The following PZP variants were observed in gnomAD, a reference collection of about 807,000 sequenced individuals.
The protein encoded by PZP is PZP alpha-2-macroglobulin like.
In PZP, 150 loss-of-function variants were observed where a neutral mutation model predicts 179.8. The observed-to-expected ratio is 0.83, with a 90% confidence interval of 0.73 to 0.96. PZP has a LOEUF of 0.96. Among genes scored for constraint, PZP ranks in the 40% least tolerant of loss-of-function variants. The pLI is 0.00. For missense variants in PZP, 1,689 were observed against 1,764.0 expected, an observed-to-expected ratio of 0.96 and a Z score of 0.76; for synonymous variants, 624 against 652.3, an observed-to-expected ratio of 0.96 and a Z score of 0.66.
At chr12:9,180,023 C>T (rs1565647105) in intron 15 of PZP, among the ~76,000 whole-genome samples, 1 of 152,270 alleles carries the variant, frequency 6.6e-6, no homozygotes, top group East Asian at 1.9e-4. Context: ...GAATGTTGGG[C>T]AGATTAAGTG....
At position 9,153,190 on chromosome 12, in the gene PZP, A is replaced by C. The variant is rs1940493279; in HGVS notation, c.3928T>G (p.Ser1310Ala). 6.2e-7 allele frequency: 1 copy of C among 1,614,214 alleles called. No homozygotes were observed. The highest frequency in any genetic ancestry group is 8.5e-7 in the Non-Finnish European group (1 of 1,180,020). Residue 1310 changes from serine to alanine, a missense_variant, in exon 30 of 36, where the codon TCA (serine) becomes GCA (alanine). Physicochemically the swap from Ser to Ala is moderately conservative, Grantham distance 99 (BLOSUM62 1). Coordinates refer to ENST00000261336, the MANE Select transcript of PZP (RefSeq NM_002864.3). ...NNNLLLLQQI[S>A]LPELPGEYVI... Reference sequence around the variant, plus strand: ...TATTCTCCAGGGAGCTCTGGCAATGAGATCTGCTGCAGTAATAGGAGGTTG... The same window carrying C: ...TATTCTCCAGGGAGCTCTGGCAATGCGATCTGCTGCAGTAATAGGAGGTTG...
chr12:9,139,933 G>A, the PZP span, among the ~76,000 whole-genome samples: 2 of 152,160 alleles, frequency 1.3e-5, no homozygotes, highest in Non-Finnish European at 2.9e-5. Flanking sequence ...GGCTTGGAAT[G>A]TTTCTGTGTG....
rs1216288416 is a variant in PZP, at chr12:9,194,328, AAAC to A, written c.1093-93_1093-91del. On this transcript the variant is annotated intron_variant, in intron 10 of 35. Coordinates refer to ENST00000261336, the MANE Select transcript of PZP (RefSeq NM_002864.3). ...ACAAATGCTTTTGCTGCTATAACTAAAACAACAACCTCCCCCTCAAAAAAACCC... is the reference window on the plus strand; with the variant it reads ...ACAAATGCTTTTGCTGCTATAACTAAAACAACCTCCCCCTCAAAAAAACCC... 1.5e-5 allele frequency: 19 copies of A among 1,245,530 alleles called. No homozygotes were observed. In the Middle Eastern group the frequency reaches 5.9e-4, roughly 39 times the overall value. 77.2% of individuals were successfully genotyped at this position (1,245,530 alleles called of 1,614,324 possible).
chr12:9,208,198 C>T (rs932763986), intron 1 of PZP, 61 bp downstream of exon 1: 19 of 1,324,270 alleles, frequency 1.4e-5, no homozygotes, highest in African/African-American at 7.3e-5. Context: ...GAAGGCAAAG[C>T]GAAGACACAA....
In PZP at chr12:9,195,640, G is replaced by T. The variant is rs769679357; in HGVS notation, c.1092+690C>A. On this transcript the variant is annotated intron_variant, in intron 10 of 35. Coordinates refer to ENST00000261336, the MANE Select transcript of PZP (RefSeq NM_002864.3). ...TTTTTTTTTTTTTTTTTTTTGCAGA[G>T]GTAGAGTCTTACTATGTTACTAGGG... Among the ~76,000 whole-genome samples, 6 of 132,984 alleles carry T rather than the reference G, an allele frequency of 4.5e-5. No individual in the cohort carries two copies. In the East Asian group the frequency reaches 1.3e-3, roughly 28 times the overall value. The allele number at this position is 132,984 out of a possible 152,430, so 87.2% of individuals were successfully genotyped here.
chr12:9,181,930 G>T, intron 14 of PZP, 45 bp downstream of exon 14: 1 of 1,593,306 alleles, frequency 6.3e-7, no homozygotes, highest in East Asian at 2.2e-5. Context: ...GGCACCTACA[G>T]TATCATTTAT....
At chr12:9,161,611 A>G (rs4883215) in intron 22 of PZP, among the ~76,000 whole-genome samples, 44,505 of 152,050 alleles carry the variant, frequency 0.29, 7,542 homozygotes, top group Admixed American at 0.41. Flanking sequence ...ACTTATAACC[A>G]TGATAATACA....
chr12:9,155,929 A>G (rs7970135), intron 28 of PZP: 16,544 of 160,766 alleles, frequency 0.1, 1,146 homozygotes, highest in African/African-American at 0.2. Context: ...GAGTCACACC[A>G]TCCTCATGGT....
chr12:9,190,595 G>A (rs1279712737), intron 13 of PZP, among the ~76,000 whole-genome samples: 1 of 152,024 alleles, frequency 6.6e-6, no homozygotes, highest in African/African-American at 2.4e-5. Flanking sequence ...TTATTGGGTA[G>A]TAGGCTTAGA....
intron 14 of PZP, 40 bp from the exon 15 acceptor site, chr12:9,181,172 A>G (rs545492831): frequency 2.5e-6 from 4 of 1,613,024 alleles, no homozygotes; most frequent in African/African-American, 2.7e-5. Context: ...TGTTTTCCCT[A>G]CTTCTGTGAT....
In PZP at chr12:9,160,404, C is replaced by G. The variant is rs757852514; in HGVS notation, c.2959G>C (p.Ala987Pro). The G allele has an allele frequency of 1.2e-6, 2 of 1,613,998 alleles. No homozygotes were observed. Among genetic ancestry groups the G allele is most frequent in the Non-Finnish European group, 1.7e-6 (2 of 1,179,890 alleles). The change falls in exon 24 of 36, where the codon GCT (alanine) becomes CCT (proline). Residue 987 changes from alanine to proline, a missense_variant. Transcript: ENST00000261336. Reference protein sequence around the residue: ...GCGEQNMVLFAPNIYVLNYLN... With the variant: ...GCGEQNMVLFPPNIYVLNYLN... ...TAGTTCAAGACATAGATGTTAGGAGCAAATAGGACCATGTTCTGTTCTCCA... is the reference window on the plus strand; with the variant it reads ...TAGTTCAAGACATAGATGTTAGGAGGAAATAGGACCATGTTCTGTTCTCCA...
intron 29 of PZP, 147 bp from the exon 30 acceptor site, chr12:9,153,490 G>T: frequency 1.7e-6 from 1 of 603,914 alleles, no homozygotes; most frequent in Non-Finnish European, 2.9e-6. Flanking sequence ...CTTTTTCTCT[G>T]CCTTTCAGAC....
chr12:9,189,360 C>T (rs1448263214), intron 13 of PZP, among the ~76,000 whole-genome samples: 1 of 152,178 alleles, frequency 6.6e-6, no homozygotes, highest in Admixed American at 6.5e-5. Flanking sequence ...CCACAACCAT[C>T]TGATCTTCAA....
At chr12:9,201,165 A>C in intron 5 of PZP, 105 bp from the exon 6 acceptor site, 1 of 1,447,644 alleles carries the variant, frequency 6.9e-7, no homozygotes, top group Non-Finnish European at 9.5e-7. Context: ...CTGGAAAGAC[A>C]AATACAGAAG....
At position 9,154,805 on chromosome 12, in the gene PZP, G is replaced by C; in HGVS notation, c.3585C>G (p.Pro1195=). The change falls in exon 29 of 36, where the codon CCC becomes CCG. Residue 1195 remains proline, a synonymous_variant. Transcript: ENST00000261336. The stretch of plus-strand genomic sequence containing the variant: ...GGTAAAGATGCCCCACTGGTGCCTT[G>C]GGTCTCTGAGGGCGCTCCCAATGGA... ...NLVHWERPQR[P]KAPVGHLYQT... 6.2e-7 allele frequency: 1 copy of C among 1,614,150 alleles called. No homozygotes were observed.
At chr12:9,207,961 A>G (rs1042510573) in intron 1 of PZP, among the ~76,000 whole-genome samples, 2 of 152,210 alleles carry the variant, frequency 1.3e-5, no homozygotes, top group Non-Finnish European at 2.9e-5. Context: ...GAATATCTCT[A>G]TATTCAGTGC....
At position 9,161,090 on chromosome 12, in the gene PZP, A is replaced by C. The variant is rs764444322; in HGVS notation, c.2815T>G (p.Leu939Val). The change falls in exon 23 of 36, where the codon TTG (leucine) becomes GTG (valine). Residue 939 changes from leucine (L) to valine (V), a missense_variant. Leu to Val is a conservative substitution (Grantham distance 32, BLOSUM62 1). Around this residue, in one of 3 missense-constraint regions of PZP, gnomAD observed 746 missense variants for 749.2 expected, o/e 1.00. Coordinates refer to ENST00000261336, the MANE Select transcript of PZP (RefSeq NM_002864.3). ...SGANVSEQLS[L>V]KLPSNVVKES... ...TTGACCACATTTGATGGGAGCTTCA[A>C]GGACAACTGCTCAGACACATTAGCA... The C allele has an allele frequency of 1.2e-6, 2 of 1,600,142 alleles. No individual in the cohort carries two copies. Among genetic ancestry groups the C allele is most frequent in the Admixed American group, 3.4e-5 (2 of 59,694 alleles).
chr12:9,202,389 C>T lies in PZP; in HGVS notation c.428-18G>A, dbSNP rs753666492. 1.2e-5 allele frequency: 19 copies of T among 1,613,840 alleles called. No homozygotes were observed. The highest frequency in any genetic ancestry group is 2.2e-5 in the South Asian group (2 of 91,050). ...GAATCTTACTGGAAAAGTAGTTCTC[C>T]GATAAGATTCAGACATGATAAAGCA... On this transcript the variant is annotated intron_variant, in intron 3 of 35. Transcript: ENST00000261336.
chr12:9,182,278 AATT>A (rs1942820689), intron 13 of PZP, among the ~76,000 whole-genome samples, 161 bp from the exon 14 acceptor site: 1 of 152,158 alleles, frequency 6.6e-6, no homozygotes, highest in African/African-American at 2.4e-5. Context: ...TATTTGGTGA[AATT>A]AGTAGGCCAA....
Sources: gnomAD v4.1 joint callset for allele counts (sites outside exome capture counted in the v4.1 genomes callset) on GRCh38, gnomAD v4.1.1 for gene constraint, gnomAD v4.1.1 regional missense constraint, MANE v1.5 for transcripts, NCBI Gene and HGNC (gene_info 2026-07-23, HGNC 2026-07-21) for gene names.